Variants in SYT1 observed in about 807,000 individuals in gnomAD.
SYT1 encodes the protein synaptotagmin-1.
A neutral mutation model predicts 44.8 loss-of-function variants in SYT1; 8 were observed. That is an observed-to-expected ratio of 0.18 (90% confidence interval 0.10 to 0.32). The LOEUF is 0.32. SYT1 is among the 10% of genes least tolerant of loss of function. The pLI is 1.00. For synonymous variants in SYT1, 154 were observed against 188.8 expected (o/e 0.82, Z 1.51); for missense variants, 286 against 509.3 (o/e 0.56, Z 4.22).
At chr12:78,983,281 C>A (rs1298467671) in intron 2 of SYT1, among the ~76,000 whole-genome samples, 1 of 152,016 alleles carries the variant, frequency 6.6e-6, no homozygotes, top group Admixed American at 6.6e-5. Flanking sequence ...GAAATTTGAT[C>A]CGTATAGCCA....
At chr12:79,047,485 G>A (rs185759496) in intron 3 of SYT1, 123 bp downstream of exon 3, 32 of 151,880 alleles carry the variant, frequency 2.1e-4, no homozygotes, top group African/African-American at 7.5e-4. Context: ...AGCAAGTTGA[G>A]CCTTCTCTTT....
chr12:79,307,314 A>C (rs1168815397), intron 8 of SYT1, among the ~76,000 whole-genome samples: 1 of 152,238 alleles, frequency 6.6e-6, no homozygotes, highest in Non-Finnish European at 1.5e-5. Context: ...TACTTGCTTT[A>C]AACATGATTA....
intron 3 of SYT1, among the ~76,000 whole-genome samples, chr12:79,113,661 A>G (rs1879131970): frequency 6.6e-6 from 1 of 152,146 alleles, no homozygotes; most frequent in African/African-American, 2.4e-5. Context: ...CCTTGAACAT[A>G]TATTCAGATT....
chr12:79,245,473 C>CAAAAAAAAAAAA (rs1273397377), intron 4 of SYT1, among the ~76,000 whole-genome samples: 10 of 43,438 alleles, frequency 2.3e-4, no homozygotes, highest in East Asian at 6.4e-4. Context: ...ACTCCGTCAA[C>CAAAAAAAAAAAA]AAAAAAAAAA....
At position 79,078,233 on chromosome 12, in the gene SYT1, T is replaced by C. The variant is rs1210396077; in HGVS notation, c.-18+30871T>C. 2.6e-5 allele frequency among the ~76,000 whole-genome samples: 4 copies of C among 152,006 alleles called. No individual in the cohort carries two copies. In the East Asian group the frequency reaches 7.8e-4, roughly 29 times the overall value. ...AAGCAAGTTGACTTTAGACTTAGAG[T>C]TGGGAGCTGAGCGTGCCTTCTCCCC... On this transcript the variant is annotated intron_variant, in intron 3 of 10. Transcript: ENST00000261205.
intron 4 of SYT1, among the ~76,000 whole-genome samples, chr12:79,222,530 C>T (rs1875232943): frequency 6.6e-6 from 1 of 151,950 alleles, no homozygotes; most frequent in African/African-American, 2.4e-5. Context: ...TACAGGTGTC[C>T]ACCACCATGC....
At chr12:79,100,926 CA>C (rs1370094069) in intron 3 of SYT1, among the ~76,000 whole-genome samples, 1 of 152,024 alleles carries the variant, frequency 6.6e-6, no homozygotes, top group Non-Finnish European at 1.5e-5. Context: ...GAAAAAAATG[CA>C]AACCACATTG....
chr12:79,163,450 G>A (rs539766739), intron 3 of SYT1, among the ~76,000 whole-genome samples: 1 of 152,142 alleles, frequency 6.6e-6, no homozygotes, highest in South Asian at 2.1e-4. Flanking sequence ...GCATCCTAAG[G>A]GGTCACTATG....
At chr12:78,866,289 A>G (rs990671013) in intron 1 of SYT1, among the ~76,000 whole-genome samples, 3 of 152,196 alleles carry the variant, frequency 2.0e-5, no homozygotes, top group Non-Finnish European at 2.9e-5. Context: ...GGATGTAAAC[A>G]TGATGTTTAT....
At chr12:79,331,791 T>C (rs1191649336) in intron 8 of SYT1, among the ~76,000 whole-genome samples, 1 of 151,612 alleles carries the variant, frequency 6.6e-6, no homozygotes, top group African/African-American at 2.4e-5. Context: ...CTCTGCCCAA[T>C]AGGATATCAT....
At chr12:79,387,685 C>G (rs776756013) in intron 9 of SYT1, among the ~76,000 whole-genome samples, 1 of 152,154 alleles carries the variant, frequency 6.6e-6, no homozygotes, top group Non-Finnish European at 1.5e-5. Context: ...CTCAGTCTTT[C>G]TATTCTTCCT....
At chr12:79,289,422 G>C (rs1879464145) in intron 5 of SYT1, among the ~76,000 whole-genome samples, 1 of 152,178 alleles carries the variant, frequency 6.6e-6, no homozygotes, top group South Asian at 2.1e-4. Context: ...CTTAAGCTCA[G>C]CCTTTGGGAC....
At chr12:78,943,873 C>T (rs929925793) in intron 1 of SYT1, among the ~76,000 whole-genome samples, 2 of 152,150 alleles carry the variant, frequency 1.3e-5, no homozygotes, top group Non-Finnish European at 2.9e-5. Flanking sequence ...TTGTTACTCA[C>T]CATTGACAAG....
chr12:79,414,971 A>G (rs1391815599), intron 9 of SYT1, among the ~76,000 whole-genome samples: 2 of 152,172 alleles, frequency 1.3e-5, no homozygotes. Flanking sequence ...CACCACAGAA[A>G]ACACAGGTAC....
intron 4 of SYT1, among the ~76,000 whole-genome samples, chr12:79,270,418 A>T (rs1169324710): frequency 6.6e-6 from 1 of 152,172 alleles, no homozygotes; most frequent in Non-Finnish European, 1.5e-5. Flanking sequence ...TTACTGCTGA[A>T]TTTTTGTGGT....
At chr12:78,891,548 A>C (rs75902519) in intron 1 of SYT1, among the ~76,000 whole-genome samples, 2 of 151,898 alleles carry the variant, frequency 1.3e-5, no homozygotes, top group Non-Finnish European at 2.9e-5. Context: ...AGTTAACAGA[A>C]TTTCTAGGTG....
In SYT1 at chr12:79,274,200, C is replaced by G. The variant is rs984845494; in HGVS notation, c.167-11587C>G. Among the ~76,000 whole-genome samples the G allele has an allele frequency of 3.3e-5, 5 of 152,244 alleles. No homozygotes were observed. In the East Asian group the frequency reaches 9.6e-4, roughly 29 times the overall value. On this transcript the variant is annotated intron_variant, in intron 4 of 10. Coordinates refer to ENST00000261205, the MANE Select transcript of SYT1 (RefSeq NM_005639.3). ...ACAAGTGGGAAGTGTGCTCTTGCCA[C>G]AGGTGCGGGAGCTGGACACCTCTGC...
intron 9 of SYT1, among the ~76,000 whole-genome samples, chr12:79,441,500 A>C (rs1371390499): frequency 1.3e-5 from 2 of 152,076 alleles, no homozygotes; most frequent in African/African-American, 4.8e-5. Context: ...TTTTTGGTAG[A>C]GATGGGGTCT....
At chr12:79,098,112 T>G (rs1458055808) in intron 3 of SYT1, among the ~76,000 whole-genome samples, 2 of 152,102 alleles carry the variant, frequency 1.3e-5, no homozygotes, top group African/African-American at 4.8e-5. Context: ...AAGTTTCACA[T>G]TCTTCATTTC....
Sources: gnomAD v4.1 joint callset for allele counts (sites outside exome capture counted in the v4.1 genomes callset) on GRCh38, gnomAD v4.1.1 for gene constraint, MANE v1.5 for transcripts, NCBI Gene and HGNC (gene_info 2026-07-23, HGNC 2026-07-21) for gene names.